Variants in PTGER3 observed in about 807,000 individuals in gnomAD.
The protein encoded by PTGER3 is prostaglandin E receptor 3, also known as prostaglandin E2 receptor EP3 subtype.
A neutral mutation model predicts 34.7 loss-of-function variants in PTGER3; 22 were observed. The ratio of observed to expected loss-of-function variants is 0.63; its 90% CI spans 0.45 to 0.91. PTGER3 has a LOEUF of 0.91. PTGER3 is among the 40% of genes least tolerant of loss of function. PTGER3 has a pLI of 0.00. For synonymous variants in PTGER3, 241 were observed against 230.1 expected, an observed-to-expected ratio of 1.05 and a Z score of -0.43; for missense variants, 468 against 519.4, an observed-to-expected ratio of 0.90 and a Z score of 0.96.
At chr1:70,861,668 T>C (rs1268178318) in intron 4 of PTGER3, among the ~76,000 whole-genome samples, 1 of 151,796 alleles carries the variant, frequency 6.6e-6, no homozygotes, top group Non-Finnish European at 1.5e-5. Context: ...TAAATGTGAG[T>C]GGATGCAATG....
At chr1:70,910,917 C>G (rs941416860) in intron 4 of PTGER3, among the ~76,000 whole-genome samples, 3 of 151,802 alleles carry the variant, frequency 2.0e-5, no homozygotes, top group Non-Finnish European at 4.4e-5. Context: ...CCCATCTCTA[C>G]TAAAAAATAC....
intron 1 of PTGER3, among the ~76,000 whole-genome samples, chr1:71,030,802 T>C (rs2100946998): frequency 6.6e-6 from 1 of 152,176 alleles, no homozygotes; most frequent in African/African-American, 2.4e-5. Flanking sequence ...GAAATCTCCA[T>C]CACCATAATT....
rs980856819 is a variant in PTGER3, at chr1:71,008,469, T to C, written c.1077+3836A>G. On this transcript the variant is annotated intron_variant, in intron 2 of 3. Transcript: ENST00000306666. ...AAAGGGAATATATCAAATAAAATAT[T>C]TTCCCTAATTCTTTTATCATCATCA... The C allele has an allele frequency of 9.9e-6, 9 of 905,424 alleles. No individual in the cohort carries two copies. The African/African-American group carries it at 1.1e-4, about 11-fold the overall frequency. 56.1% of individuals were successfully genotyped at this position (905,424 alleles called of 1,614,324 possible).
Position 70,956,472 on chromosome 1 carries a change from G to A in PTGER3, c.1078-2683C>T, listed in dbSNP as rs181926152. Among the ~76,000 whole-genome samples the A allele has an allele frequency of 2.0e-4, 30 of 151,976 alleles. No homozygotes were observed. The East Asian group carries it at 5.0e-3, about 25-fold the overall frequency. ...TTTTTCTTTAAAAAGTGGGGCATGA[G>A]TACACAAATACAGTGATGAAATGAA... On this transcript the variant is annotated intron_variant, in intron 2 of 3. Transcript: ENST00000356595.
intron 4 of PTGER3, among the ~76,000 whole-genome samples, chr1:70,869,471 A>G (rs1477964735): frequency 6.6e-6 from 1 of 152,160 alleles, no homozygotes; most frequent in East Asian, 1.9e-4. Flanking sequence ...CCAAATCTTA[A>G]CTTGCTCTGG....
chr1:71,047,470 G>T lies in PTGER3; in HGVS notation c.108C>A (p.Asn36Lys). 6.2e-7 allele frequency: 1 copy of T among 1,609,156 alleles called. No individual in the cohort carries two copies. Among genetic ancestry groups the T allele is most frequent in the Non-Finnish European group, 8.5e-7 (1 of 1,178,814 alleles). ...APERSAEARG[N>K]LTRPPGSGED... is the part of the protein sequence containing the mutation. ...CGCCAGACCCTGGAGGGCGCGTGAG[G>T]TTGCCCCGCGCCTCGGCGGAACGCT... Residue 36 changes from asparagine to lysine, a missense_variant, in exon 1 of 4, where the codon AAC becomes AAA. By Grantham distance (94) the Asn-to-Lys change is moderately conservative. This residue lies in a region of PTGER3 where 151 missense variants were observed against 133.5 expected (regional missense o/e 1.13). Transcript: ENST00000306666.
intron 2 of PTGER3, among the ~76,000 whole-genome samples, chr1:70,974,605 T>C (rs371706903): frequency 3.3e-5 from 5 of 152,154 alleles, no homozygotes; most frequent in Non-Finnish European, 7.3e-5. Context: ...GCAGAGACCA[T>C]GTCTGATATG....
intron 4 of PTGER3, among the ~76,000 whole-genome samples, chr1:70,899,373 G>A (rs1021997186): frequency 6.6e-6 from 1 of 152,158 alleles, no homozygotes; most frequent in Non-Finnish European, 1.5e-5. Context: ...AAAGGAGAAG[G>A]CTTCCCAAAG....
At chr1:70,921,176 A>G (rs1647483070) in intron 4 of PTGER3, among the ~76,000 whole-genome samples, 1 of 152,182 alleles carries the variant, frequency 6.6e-6, no homozygotes, top group African/African-American at 2.4e-5. Flanking sequence ...AATTAAAAAA[A>G]TTAGGAAAGT....
chr1:71,010,050 A>C, intron 2 of PTGER3: 1 of 985,170 alleles, frequency 1.0e-6, no homozygotes, highest in East Asian at 1.1e-4. Context: ...GTTAAAAAAA[A>C]CACAAAAGCT....
At chr1:70,911,574 G>A (rs1647062202) in intron 4 of PTGER3, among the ~76,000 whole-genome samples, 1 of 152,062 alleles carries the variant, frequency 6.6e-6, no homozygotes, top group Non-Finnish European at 1.5e-5. Flanking sequence ...TGAGTTCTCT[G>A]AAGACAGGGA....
intron 1 of PTGER3, among the ~76,000 whole-genome samples, chr1:71,040,400 G>A (rs1191489381): frequency 6.6e-6 from 1 of 152,000 alleles, no homozygotes; most frequent in Admixed American, 6.6e-5. Flanking sequence ...ACAGGAGTTT[G>A]AGACCAAACT....
intron 1 of PTGER3, among the ~76,000 whole-genome samples, chr1:71,041,923 C>G (rs1486588668): frequency 6.6e-6 from 1 of 152,190 alleles, no homozygotes; most frequent in Non-Finnish European, 1.5e-5. Context: ...ACCTACCACC[C>G]CTCTGCACCC....
At chr1:71,007,539 C>A in intron 2 of PTGER3, 1 of 985,338 alleles carries the variant, frequency 1.0e-6, no homozygotes, top group Non-Finnish European at 1.2e-6. Flanking sequence ...CAGGGCCTGG[C>A]ACAAAATGAT....
chr1:71,042,892 TAA>T lies in PTGER3; in HGVS notation c.897+3787_897+3788del, dbSNP rs775167686. ...GTTCAAGATTAAAGGCAAAAGTTTC[TAA>T]GGCTGCTTTTATCCAGTTCCAAGAT... On this transcript the variant is annotated intron_variant, in intron 1 of 3. Coordinates refer to ENST00000306666, the MANE Select transcript of PTGER3 (RefSeq NM_198719.2). 7.2e-5 allele frequency among the ~76,000 whole-genome samples: 11 copies of T among 152,358 alleles called. No homozygotes were observed. In the South Asian group the frequency reaches 1.2e-3, roughly 17 times the overall value.
At chr1:70,968,233 C>T (rs963210158), downstream of PTGER3, among the ~76,000 whole-genome samples, 7 of 152,244 alleles carry the variant, frequency 4.6e-5, no homozygotes, top group East Asian at 5.8e-4. Flanking sequence ...TTTAAAAGTA[C>T]GTGGAATATA....
intron 2 of PTGER3, among the ~76,000 whole-genome samples, chr1:71,004,577 G>A (rs916047219): frequency 5.9e-5 from 9 of 152,114 alleles, no homozygotes; most frequent in African/African-American, 1.2e-4. Flanking sequence ...TTTCTCCTTC[G>A]GAGAGAATTG....
rs1206925417 is a variant in PTGER3, at chr1:70,990,386, C to CACACAT, written c.1078-15999_1078-15998insATGTGT. Among the ~76,000 whole-genome samples the CACACAT allele has an allele frequency of 3.9e-3, 517 of 131,368 alleles. 1 individual carries two copies. The highest frequency in any genetic ancestry group is 6.0e-3 in the Non-Finnish European group (375 of 63,020). The allele number at this position is 131,368 out of a possible 152,430, so 86.2% of individuals were successfully genotyped here. A position where few individuals can be genotyped will look rare whatever the true frequency, so the allele number is the denominator to read the frequency against. On this transcript the variant is annotated intron_variant, in intron 2 of 3. Coordinates refer to ENST00000306666, the MANE Select transcript of PTGER3 (RefSeq NM_198719.2). Reference sequence around the variant, plus strand: ...ACACACACACACACACACACACACACATATATATATATATAAAATACATAT... The same window carrying CACACAT: ...ACACACACACACACACACACACACACACACATATATATATATATATAAAATACATAT...
At chr1:70,863,867 A>G (rs1645983732) in intron 4 of PTGER3, among the ~76,000 whole-genome samples, 1 of 152,140 alleles carries the variant, frequency 6.6e-6, no homozygotes, top group Non-Finnish European at 1.5e-5. Context: ...GGAAGATAAA[A>G]TTGGATAATC....
Sources: gnomAD v4.1 joint callset for allele counts (sites outside exome capture counted in the v4.1 genomes callset) on GRCh38, gnomAD v4.1.1 for gene constraint, gnomAD v4.1.1 regional missense constraint, MANE v1.5 for transcripts, NCBI Gene and HGNC (gene_info 2026-07-23, HGNC 2026-07-21) for gene names.